FOXP2: variants seen among roughly 807,000 people sequenced by gnomAD.
The protein encoded by FOXP2 is forkhead box P2, also known as forkhead box protein P2.
In FOXP2, 12 loss-of-function variants were observed where a neutral mutation model predicts 115.8. The ratio of observed to expected loss-of-function variants is 0.10; its 90% confidence interval spans 0.07 to 0.17. FOXP2 has a LOEUF of 0.17. Among genes scored for constraint, FOXP2 ranks in the 10% least tolerant of loss-of-function variants. The pLI, the probability that FOXP2 is intolerant of heterozygous loss-of-function variation, is 1.00. For synonymous variants in FOXP2, 328 were observed against 297.7 expected (o/e 1.10, Z -1.05); for missense variants, 629 against 843.5 (o/e 0.75, Z 3.15).
At chr7:114,579,280 T>G (rs1163397024) in intron 3 of FOXP2, among the ~76,000 whole-genome samples, 2 of 152,176 alleles carry the variant, frequency 1.3e-5, no homozygotes, top group Non-Finnish European at 2.9e-5. Context: ...GGTTAGATGC[T>G]TGGATTGATC....
At chr7:114,141,006 A>G (rs1207136838) in intron 1 of FOXP2, among the ~76,000 whole-genome samples, 4 of 152,214 alleles carry the variant, frequency 2.6e-5, no homozygotes, top group East Asian at 1.9e-4. Context: ...TCTTAAACCA[A>G]TAATTTAGCT....
chr7:114,181,210 C>G (rs1171717880), intron 1 of FOXP2, among the ~76,000 whole-genome samples: 1 of 151,180 alleles, frequency 6.6e-6, no homozygotes, highest in African/African-American at 2.4e-5. Context: ...GGTGAAAGAT[C>G]AGGATGATTC....
chr7:114,656,061 T>G (rs1563063244), intron 10 of FOXP2, among the ~76,000 whole-genome samples: 1 of 152,336 alleles, frequency 6.6e-6, no homozygotes, highest in Non-Finnish European at 1.5e-5. Flanking sequence ...CCTACAAACA[T>G]GGTATGCTTA....
At chr7:114,087,895 A>G in intron 1 of FOXP2, 1 of 152,196 alleles carries the variant, frequency 6.6e-6, no homozygotes, top group Non-Finnish European at 1.5e-5. Flanking sequence ...AAGGAACGTG[A>G]GGGGAAGAAC....
chr7:114,249,429 T>A (rs562878924), intron 1 of FOXP2, among the ~76,000 whole-genome samples: 13 of 152,076 alleles, frequency 8.5e-5, no homozygotes, highest in African/African-American at 3.1e-4. Context: ...GTGTTCTCAC[T>A]GTTCAGCTCC....
intron 1 of FOXP2, among the ~76,000 whole-genome samples, chr7:114,237,652 T>G (rs1047843589): frequency 7.9e-5 from 12 of 152,146 alleles, no homozygotes; most frequent in African/African-American, 1.9e-4. Context: ...TTGCTTTTTT[T>G]TTTGTTTGTT....
At chr7:114,342,818 T>A (rs1021355367) in intron 2 of FOXP2, among the ~76,000 whole-genome samples, 1 of 151,558 alleles carries the variant, frequency 6.6e-6, no homozygotes, top group Admixed American at 6.6e-5. Context: ...GATTAATGGT[T>A]ATATGATAAT....
At chr7:114,313,165 T>C (rs980735141) in intron 2 of FOXP2, among the ~76,000 whole-genome samples, 1 of 152,144 alleles carries the variant, frequency 6.6e-6, no homozygotes, top group African/African-American at 2.4e-5. Context: ...AATAAAAATA[T>C]GGGGTTACAT....
intron 16 of FOXP2, among the ~76,000 whole-genome samples, chr7:114,671,093 T>A (rs1807464210): frequency 6.6e-6 from 1 of 152,166 alleles, no homozygotes; most frequent in Admixed American, 6.6e-5. Context: ...TCCATTTTTA[T>A]TTAATCTCTA....
intron 16 of FOXP2, among the ~76,000 whole-genome samples, chr7:114,684,950 T>G (rs1808283130): frequency 6.6e-6 from 1 of 152,172 alleles, no homozygotes; most frequent in South Asian, 2.1e-4. Flanking sequence ...GCTAGTTCAA[T>G]GAACCATTTA....
chr7:114,316,775 A>G (rs985649781), intron 2 of FOXP2, among the ~76,000 whole-genome samples: 2 of 152,174 alleles, frequency 1.3e-5, no homozygotes, highest in Non-Finnish European at 2.9e-5. Flanking sequence ...AGAAAGTATT[A>G]TAGAGTCTTT....
chr7:114,358,705 C>A (rs1263852731), intron 2 of FOXP2, among the ~76,000 whole-genome samples: 1 of 152,084 alleles, frequency 6.6e-6, no homozygotes, highest in African/African-American at 2.4e-5. Context: ...CCCTAGAGAT[C>A]TATGGAACTT....
At chr7:114,186,935 A>G (rs1424481071) in intron 1 of FOXP2, among the ~76,000 whole-genome samples, 1 of 152,186 alleles carries the variant, frequency 6.6e-6, no homozygotes, top group African/African-American at 2.4e-5. Context: ...GAGGTGGCTC[A>G]GGGTAAGGAA....
intron 2 of FOXP2, among the ~76,000 whole-genome samples, chr7:114,339,587 G>A (rs1791150450): frequency 6.6e-6 from 1 of 151,060 alleles, no homozygotes; most frequent in Admixed American, 6.6e-5. Flanking sequence ...GAGCAGCTGG[G>A]TGTGGTGTTA....
chr7:114,599,378 A>C (rs1481027866), intron 3 of FOXP2, among the ~76,000 whole-genome samples: 1 of 152,104 alleles, frequency 6.6e-6, no homozygotes, highest in Non-Finnish European at 1.5e-5. Flanking sequence ...ATTTATTTTA[A>C]ATGTTAAATT....
Position 114,434,784 on chromosome 7 carries a change from T to G in FOXP2, c.168+8105T>G, listed in dbSNP as rs567919417. Among the ~76,000 whole-genome samples, 4 of 152,278 alleles carry G rather than the reference T, an allele frequency of 2.6e-5. No individual in the cohort carries two copies. In the South Asian group the frequency reaches 8.3e-4, roughly 32 times the overall value. On this transcript the variant is annotated intron_variant, in intron 2 of 16. Transcript: ENST00000350908. ...ATATATATTTTCTGTATTACATGTT[T>G]TATTAAAATTTCCTGGAATGTTTTT...
chr7:114,580,962 A>C (rs1199122536), intron 3 of FOXP2, among the ~76,000 whole-genome samples: 1 of 151,888 alleles, frequency 6.6e-6, no homozygotes, highest in Non-Finnish European at 1.5e-5. Context: ...AAGTTGCAAC[A>C]CAAGACACTG....
chr7:114,093,123 G>T (rs1407521562), intron 1 of FOXP2, among the ~76,000 whole-genome samples: 7 of 152,094 alleles, frequency 4.6e-5, no homozygotes, highest in Admixed American at 4.6e-4. Context: ...TAAAATAGAT[G>T]TTACATAAGG....
At chr7:114,634,746 T>A (rs896156661) in intron 6 of FOXP2, among the ~76,000 whole-genome samples, 74 of 152,068 alleles carry the variant, frequency 4.9e-4, no homozygotes, top group Non-Finnish European at 9.9e-4. Context: ...AGTTTATATA[T>A]TATCTAGTAA....
Sources: gnomAD v4.1 joint callset for allele counts (sites outside exome capture counted in the v4.1 genomes callset) on GRCh38, gnomAD v4.1.1 for gene constraint, MANE v1.5 for transcripts, NCBI Gene and HGNC (gene_info 2026-07-23, HGNC 2026-07-21) for gene names.